Variants in KCNIP1 observed in about 807,000 individuals in gnomAD.
The protein encoded by KCNIP1 is A-type potassium channel modulatory protein KCNIP1.
A neutral mutation model predicts 33.0 loss-of-function variants in KCNIP1; 18 were observed. The ratio of observed to expected loss-of-function variants is 0.55; its 90% CI spans 0.38 to 0.81. The LOEUF (loss-of-function observed/expected upper bound fraction) is 0.81, where lower values mean the gene tolerates loss of function less well. Among genes scored for constraint, KCNIP1 ranks in the 30% least tolerant of loss-of-function variants. The pLI, the probability that KCNIP1 is intolerant of heterozygous loss-of-function variation, is 0.00. For synonymous variants in KCNIP1, 93 were observed against 98.3 expected, an observed-to-expected ratio of 0.95 and a Z score of 0.32; for missense variants, 238 against 271.6, an observed-to-expected ratio of 0.88 and a Z score of 0.87.
intron 2 of KCNIP1, 35 bp downstream of exon 2, chr5:170,718,917 G>T (rs34377595): frequency 1.9e-6 from 3 of 1,591,564 alleles, no homozygotes; most frequent in African/African-American, 1.4e-5. Flanking sequence ...GCCTGGGGGG[G>T]GTTCCCACGT....
At chr5:170,664,743 C>A (rs913939636) in intron 1 of KCNIP1, among the ~76,000 whole-genome samples, 1 of 152,226 alleles carries the variant, frequency 6.6e-6, no homozygotes, top group Middle Eastern at 3.4e-3. Context: ...AAAAGACAAA[C>A]AAACAGTTAA....
At chr5:170,480,553 T>G (rs1756954779) in intron 1 of KCNIP1, among the ~76,000 whole-genome samples, 1 of 151,140 alleles carries the variant, frequency 6.6e-6, no homozygotes, top group South Asian at 2.1e-4. Context: ...CTCGGCTCAC[T>G]GCAGCCTCTG....
chr5:170,390,513 A>ATATATATATATATATAT (rs1554088932), intron 1 of KCNIP1, among the ~76,000 whole-genome samples: 2 of 28,848 alleles, frequency 6.9e-5, no homozygotes, highest in African/African-American at 2.9e-4. Flanking sequence ...AAAAAAAAAA[A>ATATATATATATATATAT]ACAAATATAT....
In KCNIP1 at chr5:170,504,616, A is replaced by C. The variant is rs1335661601; in HGVS notation, c.44A>C (p.Gln15Pro). The change falls in exon 1 of 8, where the codon CAA becomes CCA. Residue 15 changes from glutamine to proline, a missense_variant. Gln to Pro is a moderately conservative substitution (Grantham distance 76). Transcript: ENST00000328939. The surrounding 1 kb of genome is among the most constrained non-coding windows in gnomAD (Gnocchi z 6.0). ...ACCTTCTCATCTCTGCAAACCAAAC[A>C]AAGGCGACCCTCGAAAGGTAAGCCA... ...MGTFSSLQTK[Q>P]RRPSKDKIED... 6.2e-7 allele frequency: 1 copy of C among 1,613,686 alleles called. No homozygotes were observed. Among genetic ancestry groups the C allele is most frequent in the Admixed American group, 1.7e-5 (1 of 60,006 alleles).
intron 1 of KCNIP1, among the ~76,000 whole-genome samples, chr5:170,371,728 A>G (rs1474315462): frequency 6.6e-6 from 1 of 152,234 alleles, no homozygotes; most frequent in Non-Finnish European, 1.5e-5. Context: ...TACCGTTAGG[A>G]ATGATAGATT....
At chr5:170,495,918 T>C (rs564620076) in intron 1 of KCNIP1, among the ~76,000 whole-genome samples, 1 of 152,348 alleles carries the variant, frequency 6.6e-6, no homozygotes, top group Non-Finnish European at 1.5e-5. Context: ...CCTGGGTTTC[T>C]TCCTTTTTCA....
chr5:170,553,454 T>G lies in KCNIP1; in HGVS notation c.61+48821T>G, dbSNP rs139044309. Among the ~76,000 whole-genome samples, 388 of 152,348 alleles carry G rather than the reference T, an allele frequency of 2.5e-3. 1 individual carries two copies. The highest frequency in any genetic ancestry group is 9.0e-3 in the African/African-American group (373 of 41,596). ...CAAAGTAACTTCTCCAAGGTAGCAC[T>G]GGCCATCATTTACATCTAGGCAGAC... On this transcript the variant is annotated intron_variant, in intron 1 of 7. Transcript: ENST00000328939.
intron 1 of KCNIP1, among the ~76,000 whole-genome samples, chr5:170,399,208 G>A (rs1754833947): frequency 1.3e-5 from 2 of 152,230 alleles, no homozygotes; most frequent in Non-Finnish European, 2.9e-5. Context: ...AAAATTGGCT[G>A]TACTCTTAAG....
intron 1 of KCNIP1, among the ~76,000 whole-genome samples, chr5:170,573,986 C>A (rs1005494060): frequency 2.6e-5 from 4 of 152,196 alleles, no homozygotes; most frequent in Admixed American, 6.5e-5. Context: ...AATTTTCCTG[C>A]TAAATAGAGA....
At chr5:170,681,149 C>T (rs1210946164) in intron 1 of KCNIP1, 2 of 399,080 alleles carry the variant, frequency 5.0e-6, no homozygotes, top group Non-Finnish European at 8.8e-6. Context: ...AACTTTTGCA[C>T]TACCTCGGAC....
intron 1 of KCNIP1, among the ~76,000 whole-genome samples, chr5:170,608,091 C>T (rs768261029): frequency 5.3e-5 from 8 of 152,142 alleles, no homozygotes; most frequent in Non-Finnish European, 8.8e-5. Flanking sequence ...TAGAACTTGA[C>T]CCAGAAGCCT....
intron 1 of KCNIP1, among the ~76,000 whole-genome samples, chr5:170,372,400 A>G (rs978087036): frequency 3.6e-4 from 55 of 152,224 alleles, no homozygotes; most frequent in African/African-American, 1.1e-3. Flanking sequence ...ATTTCACTAC[A>G]TAGGCATGAT....
At chr5:170,382,585 A>G (rs1581131463) in intron 1 of KCNIP1, 1 of 150,966 alleles carries the variant, frequency 6.6e-6, no homozygotes, top group Non-Finnish European at 1.5e-5. Flanking sequence ...CCCGCTTCCT[A>G]TATCACCTCA....
At chr5:170,699,165 A>G (rs768358363) in intron 1 of KCNIP1, among the ~76,000 whole-genome samples, 1 of 152,242 alleles carries the variant, frequency 6.6e-6, no homozygotes, top group Non-Finnish European at 1.5e-5. Context: ...GAAAATACAC[A>G]TAAGCAAAAA....
intron 5 of KCNIP1, among the ~76,000 whole-genome samples, chr5:170,727,751 A>G (rs1405005834): frequency 6.6e-6 from 1 of 152,178 alleles, no homozygotes; most frequent in African/African-American, 2.4e-5. Flanking sequence ...AGCCTGGTCA[A>G]CATAGGGAGA....
At chr5:170,424,509 T>C (rs966248743) in intron 1 of KCNIP1, among the ~76,000 whole-genome samples, 37 of 151,946 alleles carry the variant, frequency 2.4e-4, no homozygotes, top group African/African-American at 7.7e-4. Context: ...CTTTTAGCAA[T>C]GATGAGAGCA....
At chr5:170,608,359 A>T (rs1759012549) in intron 1 of KCNIP1, among the ~76,000 whole-genome samples, 1 of 152,242 alleles carries the variant, frequency 6.6e-6, no homozygotes. Flanking sequence ...TGCCAAAGTC[A>T]GACAAGATCA....
At chr5:170,684,256 C>G (rs1042318575) in intron 1 of KCNIP1, among the ~76,000 whole-genome samples, 4 of 152,152 alleles carry the variant, frequency 2.6e-5, no homozygotes, top group African/African-American at 7.2e-5. Flanking sequence ...ACTGCCAGAA[C>G]AAATTACTAC....
In KCNIP1 at chr5:170,701,234, T is replaced by C. The variant is rs139350846; in HGVS notation, c.62-17524T>C. 1.2e-3 allele frequency among the ~76,000 whole-genome samples: 178 copies of C among 152,292 alleles called. 2 individuals carry two copies. The highest frequency in any genetic ancestry group is 1.0e-3 in the Non-Finnish European group (69 of 68,020). ...GCAGGCTGGGAGGTCTGAGAAGACT[T>C]CCTATAGAAGACATGACTTCAAACT... On this transcript the variant is annotated intron_variant, in intron 1 of 7. Coordinates refer to ENST00000328939, the MANE Select transcript of KCNIP1 (RefSeq NM_014592.4).
Sources: allele counts gnomAD v4.1 joint callset (sites outside exome capture counted in the v4.1 genomes callset), GRCh38; gene constraint gnomAD v4.1.1; non-coding constraint Gnocchi (gnomAD v3.1); transcripts MANE v1.5; gene names NCBI Gene and HGNC (gene_info 2026-07-23, HGNC 2026-07-21).